The following SAXO1 variants were observed in gnomAD, a reference collection of about 807,000 sequenced individuals.
SAXO1 encodes 4930500O09Rik.
In SAXO1, 21 loss-of-function variants were observed where a neutral mutation model predicts 17.5. That is an observed-to-expected ratio of 1.20 (90% CI 0.85 to 1.72). The LOEUF is 1.72. Among genes scored for constraint, SAXO1 ranks in the 40% most tolerant of loss-of-function variants. The pLI is 0.00. For missense variants in SAXO1, 843 were observed against 596.0 expected (o/e 1.41, Z -4.32); for synonymous variants, 274 against 216.5 (o/e 1.27, Z -2.33).
At chr9:19,028,271 G>A in intron 1 of SAXO1, 1 of 648,926 alleles carries the variant, frequency 1.5e-6, no homozygotes, top group Non-Finnish European at 2.6e-6. Flanking sequence ...AGCTGCTCGG[G>A]AGGCTGAGGC....
At chr9:18,964,207 A>G (rs926345527) in intron 1 of SAXO1, among the ~76,000 whole-genome samples, 1 of 152,204 alleles carries the variant, frequency 6.6e-6, no homozygotes, top group East Asian at 1.9e-4. Flanking sequence ...ATTAACGTTC[A>G]TCAGGGATAT....
chr9:18,960,914 G>A (rs982806890), intron 1 of SAXO1, among the ~76,000 whole-genome samples: 61 of 152,210 alleles, frequency 4.0e-4, no homozygotes, highest in African/African-American at 1.4e-3. Context: ...GAGAGTGAGA[G>A]AAGAGAGTGA....
At chr9:18,972,347 C>G (rs937327516) in intron 1 of SAXO1, among the ~76,000 whole-genome samples, 3 of 152,208 alleles carry the variant, frequency 2.0e-5, no homozygotes, top group Non-Finnish European at 4.4e-5. Context: ...AAACACCATA[C>G]CTTTCTATTA....
chr9:18,963,894 T>A (rs1832603610), intron 1 of SAXO1, among the ~76,000 whole-genome samples: 1 of 152,178 alleles, frequency 6.6e-6, no homozygotes, highest in Admixed American at 6.5e-5. Flanking sequence ...ATGCTTCCAG[T>A]TTTTGCCCAT....
At position 19,020,624 on chromosome 9, in the gene SAXO1, G is replaced by A. The variant is rs141674710; in HGVS notation, c.38+12247C>T. Among the ~76,000 whole-genome samples the A allele has an allele frequency of 3.8e-3, 578 of 152,294 alleles. 4 individuals carry two copies. The highest frequency in any genetic ancestry group is 4.4e-3 in the Non-Finnish European group (299 of 68,026). On this transcript the variant is annotated intron_variant, in intron 1 of 3. Coordinates refer to ENST00000380534, the MANE Select transcript of SAXO1 (RefSeq NM_153707.4). ...TTTGCCCACCTCAGCCTCCAAAAATGCTAGGATTACAGGTGTGAGCCACTG... is the reference window on the plus strand; with the variant it reads ...TTTGCCCACCTCAGCCTCCAAAAATACTAGGATTACAGGTGTGAGCCACTG...
chr9:18,987,736 A>C lies in SAXO1; in HGVS notation c.39-36799T>G, dbSNP rs79675092. Among the ~76,000 whole-genome samples the C allele has an allele frequency of 3.3e-5, 5 of 151,108 alleles. No homozygotes were observed. In the South Asian group the frequency reaches 1.0e-3, roughly 32 times the overall value. The stretch of plus-strand genomic sequence containing the variant: ...CAACAGAGGGAGACCTCATCTCTAC[A>C]AAAAAAAATAATTAGCTAGGTGTGG... On this transcript the variant is annotated intron_variant, in intron 1 of 3. Coordinates refer to ENST00000380534, the MANE Select transcript of SAXO1 (RefSeq NM_153707.4).
At chr9:18,993,972 C>T (rs1228880780) in intron 1 of SAXO1, among the ~76,000 whole-genome samples, 3 of 152,088 alleles carry the variant, frequency 2.0e-5, no homozygotes, top group Non-Finnish European at 2.9e-5. Context: ...AAAAGAAAGG[C>T]GAACCTACAA....
chr9:18,976,886 C>T (rs545747439), intron 1 of SAXO1, among the ~76,000 whole-genome samples: 54 of 152,332 alleles, frequency 3.5e-4, no homozygotes, highest in Non-Finnish European at 6.6e-4. Context: ...AAGTGAAAGT[C>T]CTCAAGTTTC....
chr9:19,027,009 A>C (rs895896646), intron 1 of SAXO1: 2 of 861,808 alleles, frequency 2.3e-6, no homozygotes, highest in African/African-American at 3.3e-5. Flanking sequence ...CAAGATCATG[A>C]AGAGTTAACT....
intron 3 of SAXO1, among the ~76,000 whole-genome samples, chr9:18,931,283 G>C (rs1168489588): frequency 6.6e-6 from 1 of 152,120 alleles, no homozygotes; most frequent in East Asian, 1.9e-4. Context: ...GTAGCGTTTT[G>C]CATCTGGCTT....
rs146691968 is a variant in SAXO1, at chr9:18,932,716, G to A, written c.422-3661C>T. The stretch of plus-strand genomic sequence containing the variant: ...CAGATTTTAATTTCTCCCAGCAATC[G>A]TTGGTAGCTTTCAGCATGCAAGACT... On this transcript the variant is annotated intron_variant, in intron 3 of 3. Transcript: ENST00000380534. 5.6e-4 allele frequency among the ~76,000 whole-genome samples: 86 copies of A among 152,228 alleles called. No individual in the cohort carries two copies. The East Asian group carries it at 0.011, about 19-fold the overall frequency.
intron 1 of SAXO1, among the ~76,000 whole-genome samples, chr9:18,962,439 A>C (rs6475282): frequency 6.6e-6 from 1 of 152,120 alleles, no homozygotes; most frequent in Non-Finnish European, 1.5e-5. Context: ...GGCCGCATAC[A>C]TGTCTTCTTT....
chr9:19,025,938 C>T (rs1835452833), intron 1 of SAXO1, among the ~76,000 whole-genome samples: 1 of 151,670 alleles, frequency 6.6e-6, no homozygotes, highest in Admixed American at 6.6e-5. Flanking sequence ...TCATATTGTA[C>T]TCTACAATCA....
chr9:19,002,635 A>G (rs991836881), intron 1 of SAXO1, among the ~76,000 whole-genome samples: 3 of 152,248 alleles, frequency 2.0e-5, no homozygotes, highest in Non-Finnish European at 4.4e-5. Context: ...AGAACCAAAG[A>G]CAAAAACCAC....
intron 1 of SAXO1, among the ~76,000 whole-genome samples, chr9:18,966,294 A>G (rs904062327): frequency 2.6e-5 from 4 of 152,270 alleles, no homozygotes; most frequent in Admixed American, 2.6e-4. Flanking sequence ...CTGTCCTTCC[A>G]GGTTGGGGAA....
intron 1 of SAXO1, among the ~76,000 whole-genome samples, chr9:19,012,552 C>G (rs1325499501): frequency 6.6e-6 from 1 of 152,154 alleles, no homozygotes; most frequent in East Asian, 1.9e-4. Flanking sequence ...GTTAGATGGG[C>G]AACTCTAGCA....
At chr9:19,003,285 G>C (rs1048642335) in intron 1 of SAXO1, among the ~76,000 whole-genome samples, 4 of 152,190 alleles carry the variant, frequency 2.6e-5, no homozygotes, top group African/African-American at 9.7e-5. Context: ...GCATGGATAG[G>C]AAGAATCAAT....
intron 1 of SAXO1, among the ~76,000 whole-genome samples, chr9:19,025,479 C>A (rs1835436134): frequency 6.6e-6 from 1 of 152,052 alleles, no homozygotes. Flanking sequence ...ATAACAAGTT[C>A]CTCCCTGGTT....
chr9:19,027,404 C>G, intron 1 of SAXO1: 1 of 760,520 alleles, frequency 1.3e-6, no homozygotes, highest in Non-Finnish European at 2.4e-6. Flanking sequence ...TACAGTGACA[C>G]TGGGGGCTTG....
Sources: allele counts gnomAD v4.1 joint callset (sites outside exome capture counted in the v4.1 genomes callset), GRCh38; gene constraint gnomAD v4.1.1; transcripts MANE v1.5; gene names NCBI Gene and HGNC (gene_info 2026-07-23, HGNC 2026-07-21).